PHLPP2: variants seen among roughly 807,000 people sequenced by gnomAD.
PHLPP2 encodes PH domain and leucine rich repeat protein phosphatase 2, also known as PH domain leucine-rich repeat-containing protein phosphatase 2.
PHLPP2 carries 66 observed loss-of-function variants against 124.9 expected under a neutral mutation model. That is an observed-to-expected ratio of 0.53 (90% CI 0.43 to 0.65). The LOEUF (loss-of-function observed/expected upper bound fraction) is 0.65. PHLPP2 is among the 30% of genes least tolerant of loss of function. The pLI is 0.00. For missense variants in PHLPP2, 1,685 were observed against 1,600.4 expected, an observed-to-expected ratio of 1.05 and a Z score of -0.90; for synonymous variants, 681 against 624.7, an observed-to-expected ratio of 1.09 and a Z score of -1.34.
In PHLPP2 at chr16:71,647,003, AG is replaced by A. The variant is rs1290749033; in HGVS notation, c.*1886del. On this transcript the variant is annotated 3_prime_UTR_variant, in exon 19 of 19. Coordinates refer to ENST00000568954, the MANE Select transcript of PHLPP2 (RefSeq NM_015020.3). ...ATGAAGACACATAATTATTATGGAC[AG>A]GTCATCTGATTTTGACTATTGCTTT... is the stretch of plus-strand genomic sequence containing the variant. The A allele has an allele frequency of 2.6e-5, 4 of 152,726 alleles. No homozygotes were observed. Among genetic ancestry groups the A allele is most frequent in the African/African-American group, 9.6e-5 (4 of 41,572 alleles). The allele number at this position is 152,726 out of a possible 1,614,324, so 9.5% of individuals were successfully genotyped here.
rs1406927298 is a variant in PHLPP2, at chr16:71,647,548, T to C, written c.*1342A>G. On this transcript the variant is annotated 3_prime_UTR_variant, in exon 19 of 19. Coordinates refer to ENST00000568954, the MANE Select transcript of PHLPP2 (RefSeq NM_015020.3). ...TGAGTGCTCCATCCATCTGTTCTCATTGGCCTCAGTCCGTTTCAGAGTCAT... is the reference window on the plus strand; with the variant it reads ...TGAGTGCTCCATCCATCTGTTCTCACTGGCCTCAGTCCGTTTCAGAGTCAT... The C allele has an allele frequency of 2.6e-5, 4 of 152,244 alleles. No individual in the cohort carries two copies. Among genetic ancestry groups the C allele is most frequent in the African/African-American group, 4.8e-5 (2 of 41,450 alleles). The allele number at this position is 152,244 out of a possible 1,614,324, so 9.4% of individuals were successfully genotyped here.
chr16:71,723,689 C>G, intron 1 of PHLPP2: 1 of 645,898 alleles, frequency 1.5e-6, no homozygotes, highest in Non-Finnish European at 2.3e-6. Context: ...CGGCAGCGGC[C>G]TCTAGCCTCC....
intron 3 of PHLPP2, among the ~76,000 whole-genome samples, chr16:71,697,976 T>G (rs1356167842): frequency 6.6e-6 from 1 of 151,246 alleles, no homozygotes; most frequent in Admixed American, 6.6e-5. Context: ...GCCTCCAGAG[T>G]AGCTGGGACT....
In PHLPP2 at chr16:71,663,730, C is replaced by T. The variant is rs1311779644; in HGVS notation, c.1985+169G>A. On this transcript the variant is annotated intron_variant, in intron 13 of 18. Coordinates refer to ENST00000568954, the MANE Select transcript of PHLPP2 (RefSeq NM_015020.3). Reference sequence around the variant, plus strand: ...AATTTTCCTGGTTACCAATACTTAACAGGGTACTAACTATTAAGATGAGAT... The same window carrying T: ...AATTTTCCTGGTTACCAATACTTAATAGGGTACTAACTATTAAGATGAGAT... Among the ~76,000 whole-genome samples, 5 of 152,124 alleles carry T rather than the reference C, an allele frequency of 3.3e-5. No individual in the cohort carries two copies. The East Asian group carries it at 5.8e-4, about 18-fold the overall frequency.
intron 8 of PHLPP2, chr16:71,678,435 C>G: frequency 4.2e-6 from 1 of 238,110 alleles, no homozygotes; most frequent in South Asian, 6.8e-5. Flanking sequence ...TCCAGGAGTT[C>G]GAGACCTGCC....
intron 2 of PHLPP2, among the ~76,000 whole-genome samples, chr16:71,710,204 C>T (rs2145378730): frequency 6.6e-6 from 1 of 152,200 alleles, no homozygotes; most frequent in South Asian, 2.1e-4. Flanking sequence ...TGTAACTCTT[C>T]CCAGCAGTTA....
chr16:71,676,440 A>G lies in PHLPP2; in HGVS notation c.1471+7T>C. ...AGAAAAAACAAAAGGCTGCAGAGAA[A>G]ACTCACTGTTGGAACTGGCATAGAG... On this transcript the variant is annotated splice_region_variant and intron_variant, in intron 9 of 18. Coordinates refer to ENST00000568954, the MANE Select transcript of PHLPP2 (RefSeq NM_015020.3). 6.2e-7 allele frequency: 1 copy of G among 1,611,444 alleles called. No individual in the cohort carries two copies. The highest frequency in any genetic ancestry group is 8.5e-7 in the Non-Finnish European group (1 of 1,177,580).
intron 13 of PHLPP2, among the ~76,000 whole-genome samples, chr16:71,661,131 A>G (rs9928788): frequency 0.037 from 5,564 of 149,914 alleles, 345 homozygotes; most frequent in African/African-American, 0.13. Context: ...CAATGGCGCA[A>G]TCTCAGTTCA....
At chr16:71,656,793 C>T (rs527471538) in intron 15 of PHLPP2, 112 bp from the exon 16 acceptor site, 1 of 622,714 alleles carries the variant, frequency 1.6e-6, no homozygotes, top group African/African-American at 1.9e-5. Flanking sequence ...TCTTGTCACC[C>T]AGGCTGGAGT....
chr16:71,723,904 C>G (rs1388583134), intron 1 of PHLPP2: 4 of 868,974 alleles, frequency 4.6e-6, no homozygotes, highest in Non-Finnish European at 5.8e-6. Flanking sequence ...CCGGCCCGCG[C>G]GACGGCGTGC....
intron 18 of PHLPP2, 62 bp from the exon 19 acceptor site, chr16:71,650,106 C>T (rs2044686160): frequency 7.7e-7 from 1 of 1,294,650 alleles, no homozygotes; most frequent in South Asian, 1.3e-5. Context: ...ACTTATCTTT[C>T]TAGATCACAG....
chr16:71,688,608 G>GTTTTTTTTT (rs371183298), intron 4 of PHLPP2, among the ~76,000 whole-genome samples: 3 of 125,666 alleles, frequency 2.4e-5, no homozygotes, highest in Non-Finnish European at 1.6e-5. Flanking sequence ...TTCTCTGTGG[G>GTTTTTTTTT]TTTTTTTTTT....
intron 2 of PHLPP2, among the ~76,000 whole-genome samples, chr16:71,710,461 C>G (rs1029784856): frequency 2.0e-5 from 3 of 152,162 alleles, no homozygotes; most frequent in Non-Finnish European, 4.4e-5. Context: ...TTTCCAGGAC[C>G]TAGCCTAGGG....
intron 3 of PHLPP2, among the ~76,000 whole-genome samples, chr16:71,694,782 T>A (rs928969555): frequency 7.2e-5 from 11 of 151,970 alleles, no homozygotes; most frequent in Non-Finnish European, 1.2e-4. Flanking sequence ...CATCATTTTT[T>A]AAATTTTTTT....
At chr16:71,671,629 A>T (rs565163151) in intron 10 of PHLPP2, among the ~76,000 whole-genome samples, 37 of 152,226 alleles carry the variant, frequency 2.4e-4, no homozygotes, top group African/African-American at 8.2e-4. Flanking sequence ...AAAACCCACT[A>T]TCTGGCTGGG....
At chr16:71,689,135 C>T (rs568955978) in intron 4 of PHLPP2, among the ~76,000 whole-genome samples, 1 of 152,118 alleles carries the variant, frequency 6.6e-6, no homozygotes, top group Non-Finnish European at 1.5e-5. Context: ...AGACCCAGAG[C>T]CCAGGAGGCC....
Position 71,645,120 on chromosome 16 carries a change from G to A in PHLPP2, c.*3770C>T, listed in dbSNP as rs8062948. On this transcript the variant is annotated 3_prime_UTR_variant, in exon 19 of 19. Coordinates refer to ENST00000568954, the MANE Select transcript of PHLPP2 (RefSeq NM_015020.3). Reference sequence around the variant, plus strand: ...AATACGACAATGATTGCACAAAACCGTAAGATATGAGCCCACTGTCTGGAT... The same window carrying A: ...AATACGACAATGATTGCACAAAACCATAAGATATGAGCCCACTGTCTGGAT... 0.028 allele frequency: 5,826 copies of A among 209,802 alleles called. 371 individuals carry two copies. Among genetic ancestry groups the A allele is most frequent in the African/African-American group, 0.13 (5,498 of 42,014 alleles). 13.0% of individuals were successfully genotyped at this position (209,802 alleles called of 1,614,324 possible).
At position 71,667,237 on chromosome 16, in the gene PHLPP2, C is replaced by A; in HGVS notation, c.1725G>T (p.Leu575=). ...TLVEHIPLEV[L]DLQHNALTRL... is the part of the protein sequence containing the mutation. ...TCGTGAGTGCATTATGCTGAAGATCCAGCACCTCGAGGGGGATGTGCTCTA... is the reference window on the plus strand; with the variant it reads ...TCGTGAGTGCATTATGCTGAAGATCAAGCACCTCGAGGGGGATGTGCTCTA... Residue 575 remains leucine, a synonymous_variant, in exon 12 of 19, where the codon CTG becomes CTT. Transcript: ENST00000568954. 1.2e-6 allele frequency: 2 copies of A among 1,613,728 alleles called. No individual in the cohort carries two copies. Among genetic ancestry groups the A allele is most frequent in the South Asian group, 2.2e-5 (2 of 91,022 alleles).
rs2044975531 is a variant in PHLPP2 at position 71,679,346 on chromosome 16, T to G, written c.1037+43A>C. On this transcript the variant is annotated intron_variant, in intron 7 of 18. Coordinates refer to ENST00000568954, the MANE Select transcript of PHLPP2 (RefSeq NM_015020.3). ...TCATTCCAAACCCCAGGCAAGTTCCTTATTCTGCAAGGGAAAAGAGGAATC... is the reference window on the plus strand; with the variant it reads ...TCATTCCAAACCCCAGGCAAGTTCCGTATTCTGCAAGGGAAAAGAGGAATC... The G allele has an allele frequency of 5.7e-6, 9 of 1,578,542 alleles. No individual in the cohort carries two copies. In the East Asian group the frequency reaches 2.0e-4, roughly 35 times the overall value.
Sources: gnomAD v4.1 joint callset for allele counts (sites outside exome capture counted in the v4.1 genomes callset) on GRCh38, gnomAD v4.1.1 for gene constraint, MANE v1.5 for transcripts, NCBI Gene and HGNC (gene_info 2026-07-23, HGNC 2026-07-21) for gene names.